The following SNAP23 variants were observed in gnomAD, a reference collection of about 807,000 sequenced individuals.
SNAP23 encodes synaptosomal-associated protein 23.
Under a neutral mutation model 29.0 loss-of-function variants are expected in SNAP23, and 11 were observed. The ratio of observed to expected loss-of-function variants is 0.38; its 90% CI spans 0.24 to 0.63. The LOEUF (loss-of-function observed/expected upper bound fraction) is 0.63, where lower values mean the gene tolerates loss of function less well. SNAP23 is among the 20% of genes least tolerant of loss of function. The pLI, the probability that SNAP23 is intolerant of heterozygous loss-of-function variation, is 0.58. For synonymous variants in SNAP23, 60 were observed against 82.9 expected (o/e 0.72, Z 1.50); for missense variants, 220 against 253.9 (o/e 0.87, Z 0.91).
At chr15:42,530,802 T>C (rs978836866) in intron 7 of SNAP23, among the ~76,000 whole-genome samples, 66 of 152,294 alleles carry the variant, frequency 4.3e-4, no homozygotes, top group African/African-American at 1.5e-3. Context: ...CAGTGAACTT[T>C]AGGGTGAGTT....
At position 42,497,657 on chromosome 15, in the gene SNAP23, C is replaced by G. The variant is rs185062061; in HGVS notation, c.-15+1944C>G. Reference sequence around the variant, plus strand: ...CACGCCCAGATTCCCTGGCCCCTTTCAAATCTCATGTCCTCACAGTTCAAA... The same window carrying G: ...CACGCCCAGATTCCCTGGCCCCTTTGAAATCTCATGTCCTCACAGTTCAAA... On this transcript the variant is annotated intron_variant, in intron 1 of 7. Transcript: ENST00000249647. 8.9e-4 allele frequency among the ~76,000 whole-genome samples: 135 copies of G among 152,298 alleles called. 1 individual carries two copies. Among genetic ancestry groups the G allele is most frequent in the Middle Eastern group, 6.8e-3 (2 of 294 alleles).
chr15:42,504,090 GA>G (rs2057298421), intron 1 of SNAP23, among the ~76,000 whole-genome samples: 2 of 151,826 alleles, frequency 1.3e-5, no homozygotes, highest in South Asian at 4.2e-4. Flanking sequence ...AGCACTTTGG[GA>G]GGCTGAGCCA....
At chr15:42,522,842 C>CTT (rs5812226) in intron 5 of SNAP23, among the ~76,000 whole-genome samples, 15,187 of 91,038 alleles carry the variant, frequency 0.17, 3,157 homozygotes, top group African/African-American at 0.22. Flanking sequence ...TAAAACTTGC[C>CTT]TTTTTTTTTT....
intron 7 of SNAP23, 74 bp from the exon 8 acceptor site, chr15:42,531,339 A>T: frequency 3.1e-6 from 3 of 961,686 alleles, no homozygotes; most frequent in Non-Finnish European, 4.4e-6. Context: ...TGTGTCAGTT[A>T]CTCCAAGTGT....
chr15:42,518,600 G>T (rs1471168940), intron 5 of SNAP23, among the ~76,000 whole-genome samples: 1 of 151,792 alleles, frequency 6.6e-6, no homozygotes, highest in Non-Finnish European at 1.5e-5. Flanking sequence ...TGTATCTTTT[G>T]TAGAGACAAG....
At chr15:42,508,134 A>ATGC (rs891956719) in intron 1 of SNAP23, among the ~76,000 whole-genome samples, 14 of 151,848 alleles carry the variant, frequency 9.2e-5, no homozygotes, top group African/African-American at 3.4e-4. Context: ...GGCATGATGC[A>ATGC]TGCACCTGTA....
chr15:42,508,555 A>AC (rs2057333714), intron 1 of SNAP23, among the ~76,000 whole-genome samples: 3 of 152,300 alleles, frequency 2.0e-5, no homozygotes, highest in East Asian at 3.9e-4. Flanking sequence ...AGAAAAAAAT[A>AC]TTAAGCAGAA....
chr15:42,514,833 G>A (rs551969349), intron 4 of SNAP23, among the ~76,000 whole-genome samples: 1 of 151,438 alleles, frequency 6.6e-6, no homozygotes, highest in Non-Finnish European at 1.5e-5. Flanking sequence ...CTCCCAGGTA[G>A]CTAGGATTAC....
At chr15:42,501,108 G>A (rs909083044) in intron 1 of SNAP23, among the ~76,000 whole-genome samples, 1 of 152,210 alleles carries the variant, frequency 6.6e-6, no homozygotes, top group African/African-American at 2.4e-5. Flanking sequence ...GGAGGCTGAA[G>A]TAGGAGCATC....
chr15:42,516,554 C>T (rs1432540249), intron 5 of SNAP23, among the ~76,000 whole-genome samples: 2 of 152,062 alleles, frequency 1.3e-5, no homozygotes, highest in Non-Finnish European at 2.9e-5. Flanking sequence ...TGGTCTTGAT[C>T]TCTTGACCTC....
At chr15:42,530,519 A>C (rs1203985496) in intron 7 of SNAP23, among the ~76,000 whole-genome samples, 1 of 152,172 alleles carries the variant, frequency 6.6e-6, no homozygotes, top group African/African-American at 2.4e-5. Flanking sequence ...CAACACTTTG[A>C]GAGGCGGAGG....
chr15:42,519,174 C>T (rs559947584), intron 5 of SNAP23, among the ~76,000 whole-genome samples: 65 of 151,890 alleles, frequency 4.3e-4, no homozygotes, highest in African/African-American at 1.4e-3. Context: ...CCTGCCTCAG[C>T]CTCCCAAATA....
intron 1 of SNAP23, chr15:42,504,975 G>C (rs2057305334): frequency 6.6e-6 from 1 of 152,186 alleles, no homozygotes; most frequent in South Asian, 2.1e-4. Context: ...TTAATTTTCA[G>C]AGAAGGAATA....
At chr15:42,514,687 A>G (rs1397663319) in intron 4 of SNAP23, among the ~76,000 whole-genome samples, 1 of 148,572 alleles carries the variant, frequency 6.7e-6, no homozygotes. Flanking sequence ...CCTTGGTCCT[A>G]CTATACAAGA....
intron 5 of SNAP23, among the ~76,000 whole-genome samples, chr15:42,525,863 A>G: frequency 6.6e-6 from 1 of 152,186 alleles, no homozygotes. Flanking sequence ...TCATTTTTAA[A>G]CAATTCATTT....
intron 5 of SNAP23, chr15:42,521,680 A>C: frequency 8.3e-7 from 1 of 1,205,764 alleles, no homozygotes; most frequent in Middle Eastern, 1.9e-4. Context: ...CTTGTGGCGC[A>C]GTTTGGGCTG....
chr15:42,529,847 A>G (rs2057545166), intron 7 of SNAP23, 28 bp downstream of exon 7: 1 of 1,608,774 alleles, frequency 6.2e-7, no homozygotes, highest in Non-Finnish European at 8.5e-7. Flanking sequence ...CCACAAGAAA[A>G]TGAGACACCC....
At chr15:42,517,433 C>A (rs1274486572) in intron 5 of SNAP23, among the ~76,000 whole-genome samples, 4 of 152,052 alleles carry the variant, frequency 2.6e-5, no homozygotes, top group African/African-American at 9.7e-5. Flanking sequence ...GTTAGGAGAA[C>A]AAGGAGAAAG....
intron 1 of SNAP23, among the ~76,000 whole-genome samples, chr15:42,496,457 C>G (rs1265491989): frequency 1.3e-5 from 2 of 151,762 alleles, no homozygotes; most frequent in Non-Finnish European, 2.9e-5. Flanking sequence ...TGGCTAACGC[C>G]TGTAATCCCA....
Sources: allele counts gnomAD v4.1 joint callset (sites outside exome capture counted in the v4.1 genomes callset), GRCh38; gene constraint gnomAD v4.1.1; transcripts MANE v1.5; gene names NCBI Gene and HGNC (gene_info 2026-07-23, HGNC 2026-07-21).